Variants in ZNF280D observed in about 807,000 individuals in gnomAD.
ZNF280D encodes the protein zinc finger protein 280D.
ZNF280D carries 39 observed loss-of-function variants against 94.7 expected under a neutral mutation model. The ratio of observed to expected loss-of-function variants is 0.41; its 90% CI spans 0.32 to 0.54. The LOEUF (loss-of-function observed/expected upper bound fraction) is 0.54. Among genes scored for constraint, ZNF280D ranks in the 20% least tolerant of loss-of-function variants. The probability of loss-of-function intolerance (pLI) is 0.22; values close to 1 mark genes in which losing one functional copy is unlikely to be tolerated. For synonymous variants in ZNF280D, 398 were observed against 377.6 expected (o/e 1.05, Z -0.63); for missense variants, 1,090 against 1,149.3 (o/e 0.95, Z 0.75).
At chr15:56,715,037 T>C (rs1272313746) in intron 1 of ZNF280D, among the ~76,000 whole-genome samples, 2 of 152,118 alleles carry the variant, frequency 1.3e-5, no homozygotes, top group Non-Finnish European at 2.9e-5. Context: ...GCAGAGGTTC[T>C]TGATAACGTG....
At chr15:56,641,434 C>A (rs1367669714) in intron 20 of ZNF280D, among the ~76,000 whole-genome samples, 6 of 151,980 alleles carry the variant, frequency 3.9e-5, no homozygotes, top group Admixed American at 2.6e-4. Flanking sequence ...GATATTATAT[C>A]TTTTAATATT....
chr15:56,654,489 A>T lies in ZNF280D; in HGVS notation c.2072T>A (p.Val691Glu). 1 of 1,589,310 alleles carries T rather than the reference A, an allele frequency of 6.3e-7. No individual in the cohort carries two copies. The highest frequency in any genetic ancestry group is 8.5e-7 in the Non-Finnish European group (1 of 1,173,094). Residue 691 changes from valine to glutamate, a missense_variant, in exon 18 of 22, where the codon GTG (valine) becomes GAG (glutamate). By Grantham distance (121) the Val-to-Glu change is moderately radical (BLOSUM62 -2). Coordinates refer to ENST00000267807, the MANE Select transcript of ZNF280D (RefSeq NM_017661.4). ...HSENLRGITLVCLNCDFLSDV... is the reference protein window; with the variant it reads ...HSENLRGITLECLNCDFLSDV... ...ACTTAGGAAATCACAATTAAGGCAC[A>T]CTAGAGTAATGCCCCTAAAAAAAAA...
chr15:56,731,393 C>T (rs1567055769), intron 1 of ZNF280D, among the ~76,000 whole-genome samples: 1 of 150,988 alleles, frequency 6.6e-6, no homozygotes, highest in Non-Finnish European at 1.5e-5. Flanking sequence ...TTCCCAGCTA[C>T]TCAGGAGGCC....
At chr15:56,723,172 T>G (rs1346014413) in intron 1 of ZNF280D, among the ~76,000 whole-genome samples, 2 of 151,934 alleles carry the variant, frequency 1.3e-5, no homozygotes, top group African/African-American at 4.8e-5. Context: ...GGCACATGTA[T>G]ACGTATGTAA....
Position 56,635,183 on chromosome 15 carries a change from C to T in ZNF280D, c.2315+12G>A. Reference sequence around the variant, plus strand: ...TTGAATTTTATGAAATTCAGTTTTTCCTTATATTTACCTTTCAGAATTTGA... The same window carrying T: ...TTGAATTTTATGAAATTCAGTTTTTTCTTATATTTACCTTTCAGAATTTGA... On this transcript the variant is annotated intron_variant, in intron 21 of 21. Transcript: ENST00000267807. 1 of 1,514,112 alleles carries T rather than the reference C, an allele frequency of 6.6e-7. No individual in the cohort carries two copies. Among genetic ancestry groups the T allele is most frequent in the African/African-American group, 1.4e-5 (1 of 70,710 alleles). The allele number at this position is 1,514,112 out of a possible 1,614,324, so 93.8% of individuals were successfully genotyped here. A position where few individuals can be genotyped will look rare whatever the true frequency, so the allele number is the denominator to read the frequency against.
intron 1 of ZNF280D, among the ~76,000 whole-genome samples, chr15:56,721,579 C>G (rs1408820364): frequency 2.0e-5 from 3 of 152,152 alleles, no homozygotes; most frequent in Admixed American, 6.6e-5. Context: ...GCTGCTTCAT[C>G]TTATACTTTT....
chr15:56,665,596 T>C (rs1172780644), intron 16 of ZNF280D, among the ~76,000 whole-genome samples: 1 of 145,162 alleles, frequency 6.9e-6, no homozygotes, highest in Admixed American at 7.4e-5. Context: ...ACAGTTGGAA[T>C]ACAGAAAGAG....
At chr15:56,714,152 T>C (rs2057916651) in intron 1 of ZNF280D, among the ~76,000 whole-genome samples, 1 of 152,218 alleles carries the variant, frequency 6.6e-6, no homozygotes, top group Admixed American at 6.5e-5. Context: ...TAAGTATCTT[T>C]TTCAGAATCA....
intron 7 of ZNF280D, among the ~76,000 whole-genome samples, chr15:56,690,237 C>T (rs920699084): frequency 6.6e-6 from 1 of 151,998 alleles, no homozygotes; most frequent in African/African-American, 2.4e-5. Flanking sequence ...AAAAAATTAG[C>T]CTGGCGTGGT....
In ZNF280D at chr15:56,635,200, A is replaced by C. The variant is rs1383017325; in HGVS notation, c.2310T>G (p.Ser770=). The change falls in exon 21 of 22, where the codon TCT becomes TCG. Residue 770 remains serine, a synonymous_variant. Coordinates refer to ENST00000267807, the MANE Select transcript of ZNF280D (RefSeq NM_017661.4). ...MAERETETSN[S]ESKQDKAASS... Reference sequence around the variant, plus strand: ...CAGTTTTTCCTTATATTTACCTTTCAGAATTTGATGTTTCTGTTTCTCTTT... The same window carrying C: ...CAGTTTTTCCTTATATTTACCTTTCCGAATTTGATGTTTCTGTTTCTCTTT... 30 of 1,546,940 alleles carry C rather than the reference A, an allele frequency of 1.9e-5. No homozygotes were observed. Among genetic ancestry groups the C allele is most frequent in the Non-Finnish European group, 2.5e-5 (29 of 1,147,424 alleles).
chr15:56,660,029 A>C (rs932345571), intron 16 of ZNF280D, among the ~76,000 whole-genome samples: 2 of 152,164 alleles, frequency 1.3e-5, no homozygotes, highest in Admixed American at 1.3e-4. Context: ...GATTTCTAAT[A>C]GTCATTTCTT....
chr15:56,637,814 G>C (rs749999680), intron 20 of ZNF280D, among the ~76,000 whole-genome samples: 2 of 150,420 alleles, frequency 1.3e-5, no homozygotes, highest in African/African-American at 2.5e-5. Context: ...CATACACATT[G>C]TATTCTTCAC....
intron 6 of ZNF280D, chr15:56,699,627 T>G (rs2056940875): frequency 1.4e-5 from 12 of 874,342 alleles, no homozygotes; most frequent in Non-Finnish European, 1.6e-5. Context: ...GGAGTGATAT[T>G]GTAAATACTT....
intron 1 of ZNF280D, among the ~76,000 whole-genome samples, chr15:56,726,752 T>C (rs1006788126): frequency 4.6e-5 from 7 of 152,246 alleles, no homozygotes; most frequent in African/African-American, 7.2e-5. Flanking sequence ...TGCAAAAATA[T>C]TGCATCAATT....
chr15:56,638,910 C>A (rs2052481783), intron 20 of ZNF280D, among the ~76,000 whole-genome samples: 1 of 151,906 alleles, frequency 6.6e-6, no homozygotes, highest in Non-Finnish European at 1.5e-5. Context: ...ATTTTAGCCT[C>A]ATTCTTTAAT....
intron 19 of ZNF280D, among the ~76,000 whole-genome samples, chr15:56,646,477 C>A (rs1453604309): frequency 6.6e-6 from 1 of 151,986 alleles, no homozygotes; most frequent in African/African-American, 2.4e-5. Flanking sequence ...ATAAAAAGAC[C>A]ATTCACTGAG....
chr15:56,732,897 T>C (rs554500399), intron 1 of ZNF280D: 3 of 152,340 alleles, frequency 2.0e-5, no homozygotes, highest in East Asian at 1.9e-4. Flanking sequence ...ACGGGAATTC[T>C]ATGGCAGAGG....
At chr15:56,665,566 C>A (rs1217778313) in intron 16 of ZNF280D, among the ~76,000 whole-genome samples, 3 of 151,774 alleles carry the variant, frequency 2.0e-5, no homozygotes, top group East Asian at 3.9e-4. Flanking sequence ...GTATAGATGG[C>A]CTGACAGATG....
chr15:56,631,659 G>C lies in ZNF280D; in HGVS notation c.2779C>G (p.Leu927Val), dbSNP rs1158538330. 1 of 1,614,122 alleles carries C rather than the reference G, an allele frequency of 6.2e-7. No homozygotes were observed. Among genetic ancestry groups the C allele is most frequent in the South Asian group, 1.1e-5 (1 of 91,074 alleles). Residue 927 changes from leucine (L) to valine (V), a missense_variant, in exon 22 of 22, where the codon CTT (leucine) becomes GTT (valine). Physicochemically the swap from Leu to Val is conservative, Grantham distance 32. Coordinates refer to ENST00000267807, the MANE Select transcript of ZNF280D (RefSeq NM_017661.4). Reference protein sequence around the residue: ...HLEPLTPSEVLEYEATEILQK... With the variant: ...HLEPLTPSEVVEYEATEILQK... The stretch of plus-strand genomic sequence containing the variant: ...AGAATCTCTGTGGCTTCATACTCAA[G>C]TACCTCGGATGGAGTCAGAGGTTCC...
Sources: gnomAD v4.1 joint callset for allele counts (sites outside exome capture counted in the v4.1 genomes callset) on GRCh38, gnomAD v4.1.1 for gene constraint, MANE v1.5 for transcripts, NCBI Gene and HGNC (gene_info 2026-07-23, HGNC 2026-07-21) for gene names.